The following SMG6 variants were observed in gnomAD, a reference collection of about 807,000 sequenced individuals.
The protein encoded by SMG6 is telomerase-binding protein EST1A.
A neutral mutation model predicts 142.2 loss-of-function variants in SMG6; 66 were observed. The ratio of observed to expected loss-of-function variants is 0.46; its 90% CI spans 0.38 to 0.57. SMG6 has a LOEUF of 0.57. SMG6 is among the 20% of genes least tolerant of loss of function. The probability of loss-of-function intolerance (pLI) is 0.00; values close to 1 mark genes in which losing one functional copy is unlikely to be tolerated. For synonymous variants in SMG6, 779 were observed against 702.4 expected (o/e 1.11, Z -1.72); for missense variants, 1,793 against 1,832.0 (o/e 0.98, Z 0.39).
At chr17:2,225,898 G>A (rs2073301799) in intron 10 of SMG6, among the ~76,000 whole-genome samples, 1 of 152,156 alleles carries the variant, frequency 6.6e-6, no homozygotes, top group Admixed American at 6.5e-5. Flanking sequence ...AGAAGAGACA[G>A]GAGAATGAGA....
intron 13 of SMG6, among the ~76,000 whole-genome samples, chr17:2,130,266 C>CAAAAAAAAAAAAAAAAAAAAAAAAAAA (rs903007543): frequency 7.6e-5 from 3 of 39,492 alleles, no homozygotes; most frequent in African/African-American, 1.6e-4. Flanking sequence ...GACTCCGTCT[C>CAAAAAAAAAAAAAAAAAAAAAAAAAAA]AAAAAAAAAA....
intron 10 of SMG6, among the ~76,000 whole-genome samples, chr17:2,231,880 T>C (rs919676172): frequency 6.6e-6 from 1 of 152,078 alleles, no homozygotes; most frequent in Non-Finnish European, 1.5e-5. Flanking sequence ...TAAATGGATG[T>C]ATGTGCTATG....
At chr17:2,163,672 C>T (rs760931147) in intron 13 of SMG6, among the ~76,000 whole-genome samples, 4 of 151,972 alleles carry the variant, frequency 2.6e-5, no homozygotes, top group Non-Finnish European at 5.9e-5. Flanking sequence ...TCCCTTCCAA[C>T]AGTCTTATTA....
At chr17:2,171,423 CAG>C (rs1487747974) in intron 13 of SMG6, among the ~76,000 whole-genome samples, 3 of 151,406 alleles carry the variant, frequency 2.0e-5, no homozygotes, top group African/African-American at 7.3e-5. Flanking sequence ...AGCAAAATAA[CAG>C]TGCTCTCACT....
At chr17:2,147,781 G>A (rs1416190551) in intron 13 of SMG6, among the ~76,000 whole-genome samples, 3 of 152,226 alleles carry the variant, frequency 2.0e-5, no homozygotes, top group Non-Finnish European at 1.5e-5. Context: ...TAGGATGGCT[G>A]TTACTAAAAA....
chr17:2,250,772 A>G (rs1244168013), intron 8 of SMG6, among the ~76,000 whole-genome samples: 1 of 152,132 alleles, frequency 6.6e-6, no homozygotes, highest in African/African-American at 2.4e-5. Flanking sequence ...TGGAGACCAA[A>G]TTTCATGAGT....
At chr17:2,062,683 G>A (rs1182541733) in intron 18 of SMG6, 1 of 152,276 alleles carries the variant, frequency 6.6e-6, no homozygotes, top group Non-Finnish European at 1.5e-5. Flanking sequence ...TCCTGACAGA[G>A]GTCCAGGTCC....
chr17:2,087,408 C>A (rs2068593692), intron 13 of SMG6: 1 of 1,185,242 alleles, frequency 8.4e-7, no homozygotes, highest in Non-Finnish European at 1.1e-6. Flanking sequence ...GCCACCTTCA[C>A]CAAAAAGCCA....
At chr17:2,141,057 A>G (rs894902644) in intron 13 of SMG6, among the ~76,000 whole-genome samples, 2 of 152,236 alleles carry the variant, frequency 1.3e-5, no homozygotes, top group Admixed American at 6.5e-5. Flanking sequence ...AGTGTTTAAT[A>G]CAGTAGCCAC....
chr17:2,144,255 C>A (rs908561294), intron 13 of SMG6, among the ~76,000 whole-genome samples: 2 of 151,892 alleles, frequency 1.3e-5, no homozygotes, highest in African/African-American at 4.8e-5. Context: ...GACGGGGTTT[C>A]GCCTTGTTGA....
rs773459821 is a variant in SMG6 at position 2,299,194 on chromosome 17, T to A, written c.1559A>T (p.Tyr520Phe). ...TAGAGGGTTATAGCCCGTATAGGGA[T>A]ACTGGGAGGCAGGGCCTGGTGTCCG... is the stretch of plus-strand genomic sequence containing the variant. ...YPRTPGPASQ[Y>F]PYTGYNPLQY... The change falls in exon 2 of 19, where the codon TAT becomes TTT. Residue 520 changes from tyrosine to phenylalanine, a missense_variant. Tyr to Phe is a conservative substitution (Grantham distance 22, BLOSUM62 3). Around this residue, in one of 3 missense-constraint regions of SMG6, gnomAD observed 1,597 missense variants for 1,584.6 expected, o/e 1.01. Coordinates refer to ENST00000263073, the MANE Select transcript of SMG6 (RefSeq NM_017575.5). The surrounding 1 kb of genome is among the most constrained non-coding windows in gnomAD (Gnocchi z 4.3). 1.9e-6 allele frequency: 3 copies of A among 1,613,410 alleles called. No homozygotes were observed.
rs137972056 is a variant in SMG6, at chr17:2,186,300, G to A, written c.3155+363C>T. On this transcript the variant is annotated intron_variant, in intron 12 of 18. Transcript: ENST00000263073. ...AAGATGCACAGAAAAACTAATAAGAGAAGATACAAAGTCTCACACACACAT... is the reference window on the plus strand; with the variant it reads ...AAGATGCACAGAAAAACTAATAAGAAAAGATACAAAGTCTCACACACACAT... 1.7e-4 allele frequency among the ~76,000 whole-genome samples: 25 copies of A among 149,670 alleles called. 1 individual carries two copies. Among genetic ancestry groups the A allele is most frequent in the African/African-American group, 5.9e-4 (24 of 40,640 alleles).
At chr17:2,289,138 T>C (rs987556929) in intron 6 of SMG6, among the ~76,000 whole-genome samples, 1 of 148,948 alleles carries the variant, frequency 6.7e-6, no homozygotes, top group Non-Finnish European at 1.5e-5. Flanking sequence ...TAGTTGCATC[T>C]ATTTGGGGGG....
chr17:2,188,331 G>C lies in SMG6; in HGVS notation c.2986+68C>G, dbSNP rs576408759. The C allele has an allele frequency of 2.4e-6, 3 of 1,258,944 alleles. No individual in the cohort carries two copies. The South Asian group carries it at 3.7e-5, about 15-fold the overall frequency. 78.0% of individuals were successfully genotyped at this position (1,258,944 alleles called of 1,614,324 possible). A position where few individuals can be genotyped will look rare whatever the true frequency, so the allele number is the denominator to read the frequency against. On this transcript the variant is annotated intron_variant, in intron 11 of 18. Transcript: ENST00000263073. The stretch of plus-strand genomic sequence containing the variant: ...GAGAAGACACCGAGAAAACAGCATG[G>C]CACTGTGAGGTCTGGACAAGGCCAG...
intron 18 of SMG6, among the ~76,000 whole-genome samples, chr17:2,063,829 GAGA>G (rs2067857805): frequency 6.6e-6 from 1 of 152,194 alleles, no homozygotes; most frequent in South Asian, 2.1e-4. Flanking sequence ...GGGCAGAGGG[GAGA>G]AGAAGGTGGC....
chr17:2,108,443 CCT>C (rs1216067557), intron 13 of SMG6, among the ~76,000 whole-genome samples: 1 of 152,114 alleles, frequency 6.6e-6, no homozygotes, highest in African/African-American at 2.4e-5. Context: ...ATAGTGAAAC[CCT>C]GTCTCTACTA....
intron 13 of SMG6, among the ~76,000 whole-genome samples, chr17:2,161,416 AT>A (rs1044787889): frequency 1.0e-4 from 15 of 146,472 alleles, no homozygotes; most frequent in Non-Finnish European, 1.5e-4. Context: ...TTATTTATTT[AT>A]TTTTTTTTTT....
chr17:2,297,188 G>A, intron 4 of SMG6, 55 bp downstream of exon 4: 2 of 1,307,648 alleles, frequency 1.5e-6, no homozygotes, highest in Non-Finnish European at 2.2e-6. Context: ...CCTAACACTA[G>A]ATAAACGCTT....
In SMG6 at chr17:2,303,593, G is replaced by A. The variant is rs919845995; in HGVS notation, c.88+40C>T. 14 of 1,382,236 alleles carry A rather than the reference G, an allele frequency of 1.0e-5. No individual in the cohort carries two copies. In the Admixed American group the frequency reaches 2.5e-4, roughly 24 times the overall value. 85.6% of individuals were successfully genotyped at this position (1,382,236 alleles called of 1,614,324 possible). On this transcript the variant is annotated intron_variant, in intron 1 of 18. Transcript: ENST00000263073. The stretch of plus-strand genomic sequence containing the variant: ...CAGAGGAGGAGGAGAGGGAGGCGGG[G>A]CGGGCAGGCCCGGCCCAGGAGCTGG...
Sources: allele counts gnomAD v4.1 joint callset (sites outside exome capture counted in the v4.1 genomes callset), GRCh38; gene constraint gnomAD v4.1.1; regional missense constraint gnomAD v4.1.1; non-coding constraint Gnocchi (gnomAD v3.1); transcripts MANE v1.5; gene names NCBI Gene and HGNC (gene_info 2026-07-23, HGNC 2026-07-21).